The following MICAL2 variants were observed in gnomAD, a reference collection of about 807,000 sequenced individuals.
MICAL2 encodes the protein [F-actin]-monooxygenase MICAL2.
MICAL2 carries 77 observed loss-of-function variants against 127.3 expected under a neutral mutation model. The observed-to-expected ratio is 0.60, with a 90% CI of 0.50 to 0.73. The LOEUF is 0.73. Among genes scored for constraint, MICAL2 ranks in the 30% least tolerant of loss-of-function variants. The pLI is 0.00. For missense variants in MICAL2, 1,351 were observed against 1,434.4 expected, an observed-to-expected ratio of 0.94 and a Z score of 0.94; for synonymous variants, 570 against 551.1, an observed-to-expected ratio of 1.03 and a Z score of -0.48.
downstream of MICAL2, among the ~76,000 whole-genome samples, chr11:12,296,618 C>A (rs960403947): frequency 6.7e-6 from 1 of 150,362 alleles, no homozygotes; most frequent in Non-Finnish European, 1.5e-5. Flanking sequence ...GGTTCAAAAT[C>A]AAAGGGTACA....
chr11:12,199,805 G>T (rs188526392), intron 3 of MICAL2, among the ~76,000 whole-genome samples: 1 of 152,280 alleles, frequency 6.6e-6, no homozygotes, highest in Admixed American at 6.5e-5. Context: ...CTGTGCTAAC[G>T]TGGAGGCCTG....
At chr11:12,254,343 G>T (rs1028082627) in intron 22 of MICAL2, 1 of 152,288 alleles carries the variant, frequency 6.6e-6, no homozygotes, top group African/African-American at 2.4e-5. Context: ...GAGCTCAGAA[G>T]TTCTGTGCTT....
intron 6 of MICAL2, among the ~76,000 whole-genome samples, chr11:12,211,434 T>A (rs1414954894): frequency 6.6e-6 from 1 of 152,068 alleles, no homozygotes; most frequent in African/African-American, 2.4e-5. Context: ...TAAAAGGGAT[T>A]TTTGACAGAT....
chr11:12,346,196 G>A lies in MICAL2; in HGVS notation c.5516-3642G>A, dbSNP rs73424826. Among the ~76,000 whole-genome samples, 803 of 152,272 alleles carry A rather than the reference G, an allele frequency of 5.3e-3. 5 individuals are homozygous for A. The highest frequency in any genetic ancestry group is 0.018 in the African/African-American group (729 of 41,526). ...GAGCAGCCACCTGTGAGGGAGGAGC[G>A]GAGGGAATTCCTGCACTGGCTCATG... On this transcript the variant is annotated intron_variant, in intron 32 of 34. Coordinates refer to the MICAL2 transcript ENST00000646065.
At chr11:12,142,327 A>T (rs1016360013) in intron 2 of MICAL2, among the ~76,000 whole-genome samples, 1 of 152,220 alleles carries the variant, frequency 6.6e-6, no homozygotes, top group East Asian at 1.9e-4. Flanking sequence ...AGTTGCCGTT[A>T]TTCTGTTTTA....
intron 3 of MICAL2, among the ~76,000 whole-genome samples, chr11:12,174,552 A>G (rs1350684163): frequency 6.6e-6 from 1 of 151,272 alleles, no homozygotes; most frequent in Non-Finnish European, 1.5e-5. Context: ...TATCCTATGT[A>G]TGTACTGCAT....
downstream of MICAL2, among the ~76,000 whole-genome samples, chr11:12,360,867 A>G (rs1455824182): frequency 1.3e-5 from 2 of 152,194 alleles, no homozygotes; most frequent in Admixed American, 6.5e-5. Context: ...TTTCTGTTTC[A>G]CTAGTACATA....
At chr11:12,145,441 C>T (rs1852797261) in intron 2 of MICAL2, among the ~76,000 whole-genome samples, 1 of 152,152 alleles carries the variant, frequency 6.6e-6, no homozygotes, top group South Asian at 2.1e-4. Context: ...TCAATAGCGA[C>T]AATGATCTAC....
chr11:12,242,187 G>C, intron 18 of MICAL2, 27 bp from the exon 19 acceptor site: 3 of 1,568,176 alleles, frequency 1.9e-6, no homozygotes, highest in Non-Finnish European at 2.6e-6. Context: ...CAGTAGGGAA[G>C]GAAGCTTAAT....
At chr11:12,323,331 A>C (rs1167673297) in intron 30 of MICAL2, among the ~76,000 whole-genome samples, 1 of 152,182 alleles carries the variant, frequency 6.6e-6, no homozygotes, top group African/African-American at 2.4e-5. Flanking sequence ...AAGCCAAAAA[A>C]CACTTTCATT....
intron 1 of MICAL2, among the ~76,000 whole-genome samples, chr11:12,124,867 C>T (rs1339732279): frequency 6.6e-6 from 1 of 152,216 alleles, no homozygotes; most frequent in Non-Finnish European, 1.5e-5. Context: ...CACCAACTTC[C>T]CCTTCTTGGT....
chr11:12,339,916 C>G (rs1352336868), intron 32 of MICAL2, among the ~76,000 whole-genome samples: 1 of 152,204 alleles, frequency 6.6e-6, no homozygotes, highest in Non-Finnish European at 1.5e-5. Context: ...AGGAGGCAGT[C>G]TGCCCGTTCT....
chr11:12,192,950 C>G (rs1468558903), intron 3 of MICAL2, among the ~76,000 whole-genome samples: 1 of 152,158 alleles, frequency 6.6e-6, no homozygotes, highest in Non-Finnish European at 1.5e-5. Context: ...CTGCTTTATT[C>G]CTCTTTTATG....
intron 3 of MICAL2, among the ~76,000 whole-genome samples, chr11:12,192,799 C>T (rs984949535): frequency 6.6e-6 from 1 of 152,054 alleles, no homozygotes; most frequent in African/African-American, 2.4e-5. Flanking sequence ...TAAAGGATTC[C>T]TCCTGAGAAA....
At chr11:12,333,226 T>C (rs1938682472) in intron 32 of MICAL2, among the ~76,000 whole-genome samples, 1 of 152,198 alleles carries the variant, frequency 6.6e-6, no homozygotes, top group Non-Finnish European at 1.5e-5. Context: ...CGTTAGTTTT[T>C]AAATCTGGCA....
intron 32 of MICAL2, among the ~76,000 whole-genome samples, chr11:12,329,501 G>A (rs939678692): frequency 7.9e-5 from 12 of 152,164 alleles, no homozygotes; most frequent in Admixed American, 3.3e-4. Context: ...AGCTGTGGGC[G>A]CCAATAAGCC....
intron 22 of MICAL2, chr11:12,255,239 G>C (rs557447539): frequency 1.1e-5 from 2 of 184,982 alleles, no homozygotes; most frequent in Admixed American, 5.4e-5. Flanking sequence ...TTTTTTAAGG[G>C]TACGGTTTAG....
At chr11:12,185,957 G>A (rs1423882035) in intron 3 of MICAL2, among the ~76,000 whole-genome samples, 1 of 152,222 alleles carries the variant, frequency 6.6e-6, no homozygotes, top group African/African-American at 2.4e-5. Context: ...CACATAGCAG[G>A]TGCTCAGCAA....
chr11:12,191,258 A>T (rs1398146631), intron 3 of MICAL2, among the ~76,000 whole-genome samples: 1 of 152,118 alleles, frequency 6.6e-6, no homozygotes, highest in African/African-American at 2.4e-5. Context: ...TGAGGTCAGG[A>T]GTTCAAGACC....
Sources: allele counts gnomAD v4.1 joint callset (sites outside exome capture counted in the v4.1 genomes callset), GRCh38; gene constraint gnomAD v4.1.1; transcripts MANE v1.5; gene names NCBI Gene and HGNC (gene_info 2026-07-23, HGNC 2026-07-21).